The following ARRDC1 variants were observed in gnomAD, a reference collection of about 807,000 sequenced individuals.
The protein encoded by ARRDC1 is arrestin domain-containing protein 1.
ARRDC1 carries 37 observed loss-of-function variants against 40.1 expected under a neutral mutation model. That is an observed-to-expected ratio of 0.92 (90% CI 0.71 to 1.21). The LOEUF is 1.21. Ranked by LOEUF, ARRDC1 falls within the 50% of genes most tolerant of loss-of-function variation. The pLI, the probability that ARRDC1 is intolerant of heterozygous loss-of-function variation, is 0.00. For missense variants in ARRDC1, 641 were observed against 581.9 expected, an observed-to-expected ratio of 1.10 and a Z score of -1.04; for synonymous variants, 310 against 262.5, an observed-to-expected ratio of 1.18 and a Z score of -1.75.
At position 137,615,351 on chromosome 9, in the gene ARRDC1, T is replaced by C. The variant is rs1272436181; in HGVS notation, c.*213T>C. ...GACAACTCCTGTAAATAAAACACTT[T>C]ATTTGTAGAGCTGGGCCTCACCGGC... On this transcript the variant is annotated 3_prime_UTR_variant, in exon 8 of 8. Transcript: ENST00000371421. 1 of 549,972 alleles carries C rather than the reference T, an allele frequency of 1.8e-6. No homozygotes were observed. Among genetic ancestry groups the C allele is most frequent in the Non-Finnish European group, 3.1e-6 (1 of 325,288 alleles). 34.1% of individuals were successfully genotyped at this position (549,972 alleles called of 1,614,324 possible).
At chr9:137,606,584 CTCTGT>C (rs1161947519) in intron 1 of ARRDC1, among the ~76,000 whole-genome samples, 1 of 152,252 alleles carries the variant, frequency 6.6e-6, no homozygotes, top group Non-Finnish European at 1.5e-5. Context: ...AACCCACAGT[CTCTGT>C]TCTGTCCTCT....
In ARRDC1 at chr9:137,614,835, C is replaced by T. The variant is rs1842636941; in HGVS notation, c.1072C>T (p.Pro358Ser). The change falls in exon 7 of 8, where the codon CCC (proline) becomes TCC (serine). Residue 358 changes from proline (P) to serine (S), a missense_variant. Transcript: ENST00000371421. ...GAGTTCTGTGCCTGGTGCGCCGGAG[C>T]CCTGCCCTCAGGATGGCAGCCCTGC... ...TLSSVPGAPE[P>S]CPQDGSPASH... 2 of 1,613,402 alleles carry T rather than the reference C, an allele frequency of 1.2e-6. No homozygotes were observed. Among genetic ancestry groups the T allele is most frequent in the African/African-American group, 1.3e-5 (1 of 75,028 alleles).
intron 1 of ARRDC1, among the ~76,000 whole-genome samples, chr9:137,608,074 C>T (rs1008831861): frequency 2.8e-4 from 43 of 152,280 alleles, no homozygotes; most frequent in Non-Finnish European, 3.2e-4. Context: ...GCTCCGCCTC[C>T]CCGGTTCACG....
Position 137,614,115 on chromosome 9 carries a change from T to A in ARRDC1, c.519T>A (p.Asp173Glu), listed in dbSNP as rs915584941. 2 of 1,613,726 alleles carry A rather than the reference T, an allele frequency of 1.2e-6. No individual in the cohort carries two copies. Among genetic ancestry groups the A allele is most frequent in the Admixed American group, 1.7e-5 (1 of 60,000 alleles). The change falls in exon 5 of 8, where the codon GAT (aspartate) becomes GAA (glutamate). Residue 173 changes from aspartate (D) to glutamate (E), a missense_variant. Coordinates refer to ENST00000371421, the MANE Select transcript of ARRDC1 (RefSeq NM_152285.4). ...GCGTGGTCCTCACAGCCAGCACTGA[T>A]CTCCGCGGCTATGTGGTGGGGCAGG... is the stretch of plus-strand genomic sequence containing the variant. ...TGSVVLTAST[D>E]LRGYVVGQAL...
Position 137,613,646 on chromosome 9 carries a change from CG to C in ARRDC1, c.315del (p.Lys106ArgfsTer6). The C allele has an allele frequency of 6.2e-7, 1 of 1,614,200 alleles. No individual in the cohort carries two copies. The highest frequency in any genetic ancestry group is 8.5e-7 in the Non-Finnish European group (1 of 1,180,032). ...TAPTSFEGPF[G>X]KIVHQVRAAI... The stretch of plus-strand genomic sequence containing the variant: ...CACCCACGTCCTTTGAGGGTCCTTT[CG>C]GGAAGATCGTGCACCAGGTGAGGGC... On this transcript the variant is annotated frameshift_variant, in exon 4 of 8. Transcript: ENST00000371421. LOFTEE classifies it high-confidence loss of function.
At position 137,615,125 on chromosome 9, in the gene ARRDC1, C is replaced by A; in HGVS notation, c.1289C>A (p.Thr430Asn). ...QSCGGVEPSL[T>N]PES The stretch of plus-strand genomic sequence containing the variant: ...TGCGGCGGCGTGGAACCCAGCCTGA[C>A]CCCTGAGAGCTGACCCCGTGCTGCC... The change falls in exon 8 of 8, where the codon ACC (threonine) becomes AAC (asparagine). Residue 430 changes from threonine to asparagine, a missense_variant. Coordinates refer to ENST00000371421, the MANE Select transcript of ARRDC1 (RefSeq NM_152285.4). The A allele has an allele frequency of 6.5e-7, 1 of 1,542,558 alleles. No individual in the cohort carries two copies. Among genetic ancestry groups the A allele is most frequent in the Admixed American group, 1.9e-5 (1 of 51,742 alleles).
Position 137,613,507 on chromosome 9 carries a change from C to G in ARRDC1, c.277C>G (p.Pro93Ala). ...EHSFPFQFLL[P>A]ATAPTSFEGP... ...CAGCTTCCCCTTCCAGTTCCTGCTT[C>G]CTGGTGAGAGCCCAGCCTGGACAGG... Residue 93 changes from proline to alanine, a missense_variant, in exon 3 of 8, where the codon CCT becomes GCT. Coordinates refer to ENST00000371421, the MANE Select transcript of ARRDC1 (RefSeq NM_152285.4). 1 of 1,613,820 alleles carries G rather than the reference C, an allele frequency of 6.2e-7. No individual in the cohort carries two copies. The highest frequency in any genetic ancestry group is 8.5e-7 in the Non-Finnish European group (1 of 1,179,974).
In ARRDC1 at chr9:137,614,157, C is replaced by T. The variant is rs145510266; in HGVS notation, c.561C>T (p.Ala187=). 22 of 1,612,302 alleles carry T rather than the reference C, an allele frequency of 1.4e-5. No individual in the cohort carries two copies. Among genetic ancestry groups the T allele is most frequent in the East Asian group, 6.7e-5 (3 of 44,824 alleles). Residue 187 remains alanine, a synonymous_variant, in exon 5 of 8, where the codon GCC becomes GCT. Transcript: ENST00000371421. The stretch of plus-strand genomic sequence containing the variant: ...TGGGGCAGGCACTGCAGCTGCATGC[C>T]GACGTTGAGAACCAGTCAGGCAAGG... ...YVVGQALQLH[A]DVENQSGKDT...
rs752349023 is a variant in ARRDC1 at position 137,613,069 on chromosome 9, TCTGTC to T, written c.229+71_229+75del. 7.9e-5 allele frequency: 97 copies of T among 1,227,394 alleles called. 1 individual carries two copies. The South Asian group carries it at 8.2e-4, about 10-fold the overall frequency. 76.0% of individuals were successfully genotyped at this position (1,227,394 alleles called of 1,614,324 possible). ...GGGGCAGCCCTTGGAGTGGGGCCTGTCTGTCCTGTCCTCCCCCTTTCCTAGATCTG... is the reference window on the plus strand; with the variant it reads ...GGGGCAGCCCTTGGAGTGGGGCCTGTCTGTCCTCCCCCTTTCCTAGATCTG... On this transcript the variant is annotated intron_variant, in intron 2 of 7. Coordinates refer to ENST00000371421, the MANE Select transcript of ARRDC1 (RefSeq NM_152285.4).
At position 137,614,649 on chromosome 9, in the gene ARRDC1, G is replaced by A. The variant is rs1480199595; in HGVS notation, c.886G>A (p.Gly296Ser). 6.2e-7 allele frequency: 1 copy of A among 1,612,606 alleles called. No individual in the cohort carries two copies. The highest frequency in any genetic ancestry group is 8.5e-7 in the Non-Finnish European group (1 of 1,179,826). Reference sequence around the variant, plus strand: ...CCATGCCCCAGTGAGCCCCCGGCCAGGCCTGGGGCTGCCTCCTGGGGCCCC... The same window carrying A: ...CCATGCCCCAGTGAGCCCCCGGCCAAGCCTGGGGCTGCCTCCTGGGGCCCC... Reference protein sequence around the residue: ...VNHAPVSPRPGLGLPPGAPPL... With the variant: ...VNHAPVSPRPSLGLPPGAPPL... The change falls in exon 7 of 8, where the codon GGC (glycine) becomes AGC (serine). Residue 296 changes from glycine (G) to serine (S), a missense_variant. Physicochemically the swap from Gly to Ser is moderately conservative, Grantham distance 56 (BLOSUM62 0). Coordinates refer to ENST00000371421, the MANE Select transcript of ARRDC1 (RefSeq NM_152285.4).
chr9:137,615,019 C>CT lies in ARRDC1; in HGVS notation c.1237+21dup. 6 of 1,612,592 alleles carry CT rather than the reference C, an allele frequency of 3.7e-6. No homozygotes were observed. The highest frequency in any genetic ancestry group is 5.1e-6 in the Non-Finnish European group (6 of 1,179,266). ...CCCTATGGTGAGTCGACAGCCAGGG[C>CT]TTGGCAGGGAGGGGACGCCAAGAGC... On this transcript the variant is annotated intron_variant, in intron 7 of 7. Coordinates refer to ENST00000371421, the MANE Select transcript of ARRDC1 (RefSeq NM_152285.4).
intron 1 of ARRDC1, among the ~76,000 whole-genome samples, chr9:137,607,638 C>T (rs1426146174): frequency 1.3e-5 from 2 of 152,194 alleles, no homozygotes; most frequent in Non-Finnish European, 2.9e-5. Flanking sequence ...CACGGGCCAG[C>T]CTCAGTTAAC....
intron 2 of ARRDC1, 50 bp from the exon 3 acceptor site, chr9:137,613,410 C>G (rs2133342271): frequency 1.3e-6 from 2 of 1,560,002 alleles, no homozygotes; most frequent in Non-Finnish European, 8.7e-7. Context: ...GTGGCCACCT[C>G]AGGCCACCTC....
rs1165119274 is a variant in ARRDC1 at position 137,614,822 on chromosome 9, T to A, written c.1059T>A (p.Pro353=). 6.2e-7 allele frequency: 1 copy of A among 1,613,070 alleles called. No homozygotes were observed. Among genetic ancestry groups the A allele is most frequent in the East Asian group, 2.2e-5 (1 of 44,856 alleles). The change falls in exon 7 of 8, where the codon CCT becomes CCA. Residue 353 remains proline, a synonymous_variant. Transcript: ENST00000371421. ...QPLLATLSSV[P]GAPEPCPQDG... ...TGCTGGCCACCTTGAGTTCTGTGCC[T>A]GGTGCGCCGGAGCCCTGCCCTCAGG...
At chr9:137,607,293 A>G (rs1842440652) in intron 1 of ARRDC1, among the ~76,000 whole-genome samples, 1 of 152,224 alleles carries the variant, frequency 6.6e-6, no homozygotes, top group Admixed American at 6.5e-5. Context: ...TTCCTCATTC[A>G]GAGGATGCTT....
rs371171001 is a variant in ARRDC1 at position 137,614,828 on chromosome 9, G to A, written c.1065G>A (p.Ala355=). The A allele has an allele frequency of 3.1e-5, 50 of 1,613,080 alleles. No individual in the cohort carries two copies. The highest frequency in any genetic ancestry group is 3.8e-5 in the Non-Finnish European group (45 of 1,179,922). Residue 355 remains alanine (A), a synonymous_variant, in exon 7 of 8, where the codon GCG becomes GCA. Coordinates refer to ENST00000371421, the MANE Select transcript of ARRDC1 (RefSeq NM_152285.4). ...CCACCTTGAGTTCTGTGCCTGGTGC[G>A]CCGGAGCCCTGCCCTCAGGATGGCA... is the stretch of plus-strand genomic sequence containing the variant. ...LLATLSSVPG[A]PEPCPQDGSP... is the part of the protein sequence containing the mutation.
In ARRDC1 at chr9:137,614,462, A is replaced by G. The variant is rs147417622; in HGVS notation, c.782A>G (p.Asp261Gly). ...ALPGCSLIHI[D>G]YYLQVSLKAP... is the part of the protein sequence containing the mutation. The stretch of plus-strand genomic sequence containing the variant: ...CCGGGCTGCAGCCTCATCCACATCG[A>G]CTACTACTTACAGGTTTGGTGCTGC... The change falls in exon 6 of 8, where the codon GAC (aspartate) becomes GGC (glycine). Residue 261 changes from aspartate to glycine, a missense_variant. Transcript: ENST00000371421. 2 of 1,613,258 alleles carry G rather than the reference A, an allele frequency of 1.2e-6. No homozygotes were observed. Among genetic ancestry groups the G allele is most frequent in the Non-Finnish European group, 1.7e-6 (2 of 1,179,914 alleles).
In ARRDC1 at chr9:137,612,723, A is replaced by G. The variant is rs570764112; in HGVS notation, c.119-173A>G. ...TGCCTGATTCCCTTGGAGCCCCCCA[A>G]GACAGGAGATGGGCAGATGTCCTCT... On this transcript the variant is annotated intron_variant, in intron 1 of 7. Transcript: ENST00000371421. 214 of 584,320 alleles carry G rather than the reference A, an allele frequency of 3.7e-4. No individual in the cohort carries two copies. The East Asian group carries it at 5.9e-3, about 16-fold the overall frequency. 36.2% of individuals were successfully genotyped at this position (584,320 alleles called of 1,614,324 possible).
At chr9:137,612,189 A>G (rs1842537043) in intron 1 of ARRDC1, 1 of 152,368 alleles carries the variant, frequency 6.6e-6, no homozygotes. Context: ...TCTGATCATC[A>G]TGGTTTCTGG....
Sources: gnomAD v4.1 joint callset for allele counts (sites outside exome capture counted in the v4.1 genomes callset) on GRCh38, gnomAD v4.1.1 for gene constraint, MANE v1.5 for transcripts, NCBI Gene and HGNC (gene_info 2026-07-23, HGNC 2026-07-21) for gene names.